The following NAV2 variants were observed in gnomAD, a reference collection of about 807,000 sequenced individuals.
NAV2 encodes the protein neuron navigator 2, also known as helicase, APC down-regulated 1.
NAV2 carries 54 observed loss-of-function variants against 223.2 expected under a neutral mutation model. That is an observed-to-expected ratio of 0.24 (90% CI 0.19 to 0.30). The LOEUF is 0.30. Among genes scored for constraint, NAV2 ranks in the 10% least tolerant of loss-of-function variants. The probability of loss-of-function intolerance (pLI) is 1.00; values close to 1 mark genes in which losing one functional copy is unlikely to be tolerated. For missense variants in NAV2, 2,806 were observed against 3,147.5 expected (o/e 0.89, Z 2.60); for synonymous variants, 1,279 against 1,239.3 (o/e 1.03, Z -0.67).
intron 1 of NAV2, among the ~76,000 whole-genome samples, chr11:19,598,167 T>C (rs1334106833): frequency 1.3e-5 from 2 of 151,922 alleles, no homozygotes; most frequent in African/African-American, 4.8e-5. Flanking sequence ...GGAGGGAGTG[T>C]GCCGTCTCTT....
intron 1 of NAV2, among the ~76,000 whole-genome samples, chr11:19,538,504 C>G (rs1030854178): frequency 1.4e-5 from 2 of 146,880 alleles, no homozygotes; most frequent in African/African-American, 5.4e-5. Flanking sequence ...CCACACCTGG[C>G]TAACTTTTGT....
intron 7 of NAV2, among the ~76,000 whole-genome samples, chr11:19,934,921 C>T (rs1818333011): frequency 6.6e-6 from 1 of 152,172 alleles, no homozygotes; most frequent in Non-Finnish European, 1.5e-5. Context: ...CCCCTAGCCC[C>T]TGTCTCTTTG....
At chr11:19,708,834 G>A (rs1565184702), upstream of NAV2, among the ~76,000 whole-genome samples, 1 of 149,794 alleles carries the variant, frequency 6.7e-6, no homozygotes, top group East Asian at 2.0e-4. Context: ...AAGAATGGTT[G>A]TCAAAGTTGG....
chr11:19,592,553 A>G (rs2046090688), intron 1 of NAV2, among the ~76,000 whole-genome samples: 1 of 152,100 alleles, frequency 6.6e-6, no homozygotes, highest in Non-Finnish European at 1.5e-5. Flanking sequence ...ACTGGTCTTC[A>G]TAGTTGAATG....
chr11:19,793,720 A>G (rs983212510), intron 1 of NAV2, among the ~76,000 whole-genome samples: 2 of 152,148 alleles, frequency 1.3e-5, no homozygotes. Context: ...ACTCAAGGAA[A>G]CAGAATAAAA....
chr11:19,796,162 T>G (rs920066185), intron 1 of NAV2, among the ~76,000 whole-genome samples: 5 of 152,134 alleles, frequency 3.3e-5, no homozygotes, highest in African/African-American at 1.2e-4. Context: ...CAAGAAGAGA[T>G]TTCATACAGG....
intron 5 of NAV2, chr11:19,884,181 G>A (rs1009028157): frequency 2.8e-6 from 2 of 719,974 alleles, no homozygotes; most frequent in African/African-American, 3.5e-5. Context: ...GTGGGCAGGG[G>A]GGGAAAGAAA....
At chr11:19,714,026 G>C (rs1040118157) in intron 1 of NAV2, 64 bp downstream of exon 1, 1 of 1,581,298 alleles carries the variant, frequency 6.3e-7, no homozygotes, top group Non-Finnish European at 8.6e-7. Context: ...TTTCGGGATG[G>C]TGTGGGAGAA....
chr11:19,840,978 A>T (rs2152938291), intron 2 of NAV2, among the ~76,000 whole-genome samples: 1 of 152,342 alleles, frequency 6.6e-6, no homozygotes, highest in African/African-American at 2.4e-5. Flanking sequence ...ATTTTCTAAT[A>T]AACAGAAGAA....
At chr11:19,759,363 G>A (rs764902634) in intron 1 of NAV2, among the ~76,000 whole-genome samples, 1 of 152,088 alleles carries the variant, frequency 6.6e-6, no homozygotes, top group Non-Finnish European at 1.5e-5. Flanking sequence ...GATTACAGGC[G>A]TGAGCCACCG....
At chr11:19,755,537 G>T (rs1247672058) in intron 1 of NAV2, among the ~76,000 whole-genome samples, 4 of 152,154 alleles carry the variant, frequency 2.6e-5, no homozygotes, top group African/African-American at 9.7e-5. Context: ...CTGGTTGTTG[G>T]CAGGATTGGT....
chr11:19,825,129 CA>C (rs2059579349), intron 1 of NAV2, among the ~76,000 whole-genome samples: 2 of 151,046 alleles, frequency 1.3e-5, no homozygotes, highest in African/African-American at 2.4e-5. Context: ...CCATCTCTAC[CA>C]AAAATACAAA....
intron 11 of NAV2, among the ~76,000 whole-genome samples, chr11:20,029,146 G>C (rs1416742238): frequency 6.6e-6 from 1 of 152,180 alleles, no homozygotes; most frequent in Non-Finnish European, 1.5e-5. Context: ...ACTTGCCTTT[G>C]TACCAACTTT....
At chr11:19,353,955 G>A (rs1006561397) in intron 1 of NAV2, among the ~76,000 whole-genome samples, 2 of 152,200 alleles carry the variant, frequency 1.3e-5, no homozygotes, top group African/African-American at 4.8e-5. Context: ...TTAAAATAAT[G>A]TGGGTGCCTG....
chr11:19,393,934 T>C (rs986686660), intron 1 of NAV2, among the ~76,000 whole-genome samples: 23 of 146,176 alleles, frequency 1.6e-4, no homozygotes, highest in Non-Finnish European at 2.2e-4. Context: ...CAAATCTCAC[T>C]TCTAAAAGTG....
chr11:19,882,716 G>A (rs1399187403), intron 5 of NAV2, among the ~76,000 whole-genome samples: 1 of 152,166 alleles, frequency 6.6e-6, no homozygotes, highest in African/African-American at 2.4e-5. Flanking sequence ...CTAAAGAAGA[G>A]CCAAACTTAC....
rs772296385 is a variant in NAV2, at chr11:20,080,178, G to C, written c.5294G>C (p.Ser1765Thr). Reference sequence around the variant, plus strand: ...TCCAGCGTGGGCAGCAACATAGAGAGTGACTCAAAGAAGAAGAAGCGGAAG... The same window carrying C: ...TCCAGCGTGGGCAGCAACATAGAGACTGACTCAAAGAAGAAGAAGCGGAAG... ...SHSSVGSNIESDSKKKKRKNW... is the reference protein window; with the variant it reads ...SHSSVGSNIETDSKKKKRKNW... Residue 1765 changes from serine to threonine, a missense_variant, in exon 25 of 38, where the codon AGT (serine) becomes ACT (threonine). Around this residue, in one of 4 missense-constraint regions of NAV2, gnomAD observed 824 missense variants for 1,069.4 expected, o/e 0.77. Coordinates refer to ENST00000349880, the MANE Select transcript of NAV2 (RefSeq NM_145117.5). The C allele has an allele frequency of 5.8e-5, 94 of 1,613,968 alleles. No homozygotes were observed. The highest frequency in any genetic ancestry group is 7.7e-5 in the Non-Finnish European group (91 of 1,179,908).
At chr11:19,748,139 G>C (rs1357738765) in intron 1 of NAV2, among the ~76,000 whole-genome samples, 1 of 152,236 alleles carries the variant, frequency 6.6e-6, no homozygotes, top group Non-Finnish European at 1.5e-5. Flanking sequence ...GAGGCAGAGA[G>C]ATTGGATTTC....
At chr11:19,791,413 TC>T (rs2152727285) in intron 1 of NAV2, among the ~76,000 whole-genome samples, 1 of 152,250 alleles carries the variant, frequency 6.6e-6, no homozygotes, top group African/African-American at 2.4e-5. Flanking sequence ...CAAGTTCCTT[TC>T]CTTTCCTGGC....
Sources: allele counts gnomAD v4.1 joint callset (sites outside exome capture counted in the v4.1 genomes callset), GRCh38; gene constraint gnomAD v4.1.1; regional missense constraint gnomAD v4.1.1; transcripts MANE v1.5; gene names NCBI Gene and HGNC (gene_info 2026-07-23, HGNC 2026-07-21).